SUMF1: variants seen among roughly 807,000 people sequenced by gnomAD.
SUMF1 encodes formylglycine-generating enzyme.
A neutral mutation model predicts 47.6 loss-of-function variants in SUMF1; 48 were observed. The ratio of observed to expected loss-of-function variants is 1.01; its 90% CI spans 0.80 to 1.28. The LOEUF (loss-of-function observed/expected upper bound fraction) is 1.28, where lower values mean the gene tolerates loss of function less well. Ranked by LOEUF, SUMF1 falls within the 50% of genes most tolerant of loss-of-function variation. The probability of loss-of-function intolerance (pLI) is 0.00; values close to 1 mark genes in which losing one functional copy is unlikely to be tolerated. For synonymous variants in SUMF1, 230 were observed against 192.1 expected (o/e 1.20, Z -1.63); for missense variants, 571 against 485.4 (o/e 1.18, Z -1.66).
intron 8 of SUMF1, among the ~76,000 whole-genome samples, chr3:4,273,803 G>A (rs543095391): frequency 4.3e-5 from 6 of 138,980 alleles, no homozygotes; most frequent in African/African-American, 1.6e-4. Flanking sequence ...GGAGGGCATG[G>A]GAGGGGAGGG....
chr3:4,252,350 GCGCACACA>G (rs1363799028), intron 8 of SUMF1, among the ~76,000 whole-genome samples: 1 of 121,958 alleles, frequency 8.2e-6, no homozygotes, highest in African/African-American at 3.5e-5. Context: ...ATACACACAT[GCGCACACA>G]CACACACACA....
intron 8 of SUMF1, among the ~76,000 whole-genome samples, chr3:4,207,964 T>C (rs1412407231): frequency 6.6e-6 from 1 of 152,172 alleles, no homozygotes; most frequent in Non-Finnish European, 1.5e-5. Context: ...CCCATGTTTT[T>C]ATGAGTTCTA....
At chr3:4,039,208 A>ATTTTTTTTTTTTTTTTTTTT (rs1213784165) in intron 9 of SUMF1, among the ~76,000 whole-genome samples, 8 of 46,186 alleles carry the variant, frequency 1.7e-4, no homozygotes, top group Admixed American at 6.6e-4. Flanking sequence ...CATCTATGCA[A>ATTTTTTTTTTTTTTTTTTTT]ATTTTTTTTT....
At chr3:4,134,530 T>C (rs943757904) in intron 8 of SUMF1, among the ~76,000 whole-genome samples, 2 of 152,002 alleles carry the variant, frequency 1.3e-5, no homozygotes, top group Non-Finnish European at 2.9e-5. Context: ...AGATCTAAAA[T>C]TGACACCCTA....
intron 3 of SUMF1, among the ~76,000 whole-genome samples, chr3:4,423,971 C>T (rs1011407197): frequency 2.6e-5 from 4 of 152,322 alleles, no homozygotes; most frequent in Non-Finnish European, 5.9e-5. Context: ...ACCAGAGCTA[C>T]GTTTCCTGTA....
At chr3:4,126,444 T>C (rs146050611) in intron 8 of SUMF1, among the ~76,000 whole-genome samples, 10 of 152,154 alleles carry the variant, frequency 6.6e-5, no homozygotes, top group Admixed American at 6.6e-4. Context: ...TTTGTTCATC[T>C]TGTCTTTAAA....
At chr3:4,340,103 G>T (rs9311337) in intron 8 of SUMF1, among the ~76,000 whole-genome samples, 77,520 of 140,708 alleles carry the variant, frequency 0.55, 19,978 homozygotes, top group African/African-American at 0.61. Context: ...AGGCACCAAT[G>T]TGCACACACA....
chr3:4,052,767 C>T (rs1695135488), intron 9 of SUMF1, among the ~76,000 whole-genome samples: 1 of 152,116 alleles, frequency 6.6e-6, no homozygotes, highest in South Asian at 2.1e-4. Context: ...TCCTAGACCA[C>T]AATAAAGTGA....
chr3:4,251,544 T>C (rs1302951281), intron 8 of SUMF1, among the ~76,000 whole-genome samples: 3 of 152,230 alleles, frequency 2.0e-5, no homozygotes, highest in Non-Finnish European at 4.4e-5. Context: ...AGAAATCTTT[T>C]CTGAAAGAGA....
intron 8 of SUMF1, among the ~76,000 whole-genome samples, chr3:4,350,224 A>T (rs1006666964): frequency 7.9e-5 from 12 of 151,750 alleles, no homozygotes; most frequent in African/African-American, 2.9e-4. Context: ...TAAAATCACC[A>T]TGTTGTTCAG....
At chr3:4,110,183 G>C (rs1305508253) in intron 8 of SUMF1, among the ~76,000 whole-genome samples, 2 of 152,102 alleles carry the variant, frequency 1.3e-5, no homozygotes, top group Non-Finnish European at 2.9e-5. Context: ...GTTTGCTGGA[G>C]GTCCACTCCA....
chr3:4,095,756 T>C (rs7619514), intron 8 of SUMF1, among the ~76,000 whole-genome samples: 10 of 151,954 alleles, frequency 6.6e-5, no homozygotes, highest in Non-Finnish European at 1.3e-4. Context: ...AAAATGAATA[T>C]AAAGCTGGTC....
intron 9 of SUMF1, among the ~76,000 whole-genome samples, chr3:4,040,123 T>C (rs1350464702): frequency 1.3e-5 from 2 of 152,214 alleles, no homozygotes; most frequent in Admixed American, 6.5e-5. Flanking sequence ...GATAGATATG[T>C]TGATTAGCTT....
In SUMF1 at chr3:4,181,121, G is replaced by T. The variant is rs1695087024; in HGVS notation, c.1015-112376C>A. On this transcript the variant is annotated intron_variant and NMD_transcript_variant, in intron 8 of 12. Transcript: ENST00000448413. ...TAGAGGATAGTGGAAGAAAAGACTA[G>T]TGTGCCATCAAGGGTGTCTCCCATT... Among the ~76,000 whole-genome samples, 3 of 152,174 alleles carry T rather than the reference G, an allele frequency of 2.0e-5. 1 individual carries two copies. Among genetic ancestry groups the T allele is most frequent in the Admixed American group, 2.0e-4 (3 of 15,272 alleles).
chr3:4,039,234 T>TTTTTTTTA (rs869069592), intron 9 of SUMF1, among the ~76,000 whole-genome samples: 13 of 123,216 alleles, frequency 1.1e-4, no homozygotes, highest in Non-Finnish European at 1.6e-4. Flanking sequence ...TTTTTTTTTT[T>TTTTTTTTA]ATTATACTCT....
intron 8 of SUMF1, among the ~76,000 whole-genome samples, chr3:4,133,174 G>A (rs968456719): frequency 6.6e-6 from 1 of 152,058 alleles, no homozygotes; most frequent in Non-Finnish European, 1.5e-5. Context: ...CTTGTACTAA[G>A]AAAAATCTTC....
Position 4,073,876 on chromosome 3 carries a change from A to G in SUMF1, c.1015-5131T>C, listed in dbSNP as rs192197698. 5.3e-5 allele frequency among the ~76,000 whole-genome samples: 8 copies of G among 152,292 alleles called. No homozygotes were observed. The East Asian group carries it at 1.5e-3, about 29-fold the overall frequency. The stretch of plus-strand genomic sequence containing the variant: ...GACCTGAAGAGGGACTTAGACTCCT[A>G]CACAATAATAATGGGAGACTGTAAC... On this transcript the variant is annotated intron_variant and NMD_transcript_variant, in intron 8 of 12. Transcript: ENST00000448413.
At chr3:4,410,158 C>A (rs953796283) in intron 7 of SUMF1, among the ~76,000 whole-genome samples, 5 of 152,138 alleles carry the variant, frequency 3.3e-5, no homozygotes, top group Admixed American at 2.0e-4. Flanking sequence ...CAGAGATGTT[C>A]TTTTTAAAGG....
intron 8 of SUMF1, among the ~76,000 whole-genome samples, chr3:4,223,906 C>T (rs1425999922): frequency 1.3e-5 from 2 of 152,238 alleles, no homozygotes; most frequent in South Asian, 4.1e-4. Flanking sequence ...ACTCTCTGAG[C>T]CTTCATTTCT....
Sources: allele counts gnomAD v4.1 joint callset (sites outside exome capture counted in the v4.1 genomes callset), GRCh38; gene constraint gnomAD v4.1.1; transcripts MANE v1.5; gene names NCBI Gene and HGNC (gene_info 2026-07-23, HGNC 2026-07-21).